The following RNGTT variants were observed in gnomAD, a reference collection of about 807,000 sequenced individuals.
RNGTT encodes mRNA-capping enzyme.
In RNGTT, 33 loss-of-function variants were observed where a neutral mutation model predicts 79.3. The observed-to-expected ratio is 0.42, with a 90% CI of 0.32 to 0.56. RNGTT has a LOEUF of 0.56. Ranked by LOEUF, RNGTT falls within the 20% of genes least tolerant of loss-of-function variation. RNGTT has a pLI of 0.17. For missense variants in RNGTT, 497 were observed against 739.1 expected, an observed-to-expected ratio of 0.67 and a Z score of 3.80; for synonymous variants, 222 against 235.9, an observed-to-expected ratio of 0.94 and a Z score of 0.54.
chr6:88,918,741 C>T (rs1009411457), intron 4 of RNGTT, among the ~76,000 whole-genome samples: 3 of 152,168 alleles, frequency 2.0e-5, no homozygotes, highest in African/African-American at 7.2e-5. Flanking sequence ...CAAAGATGTG[C>T]ACTATAAACA....
chr6:88,748,224 T>A (rs186177030), intron 13 of RNGTT, among the ~76,000 whole-genome samples: 191 of 151,696 alleles, frequency 1.3e-3, no homozygotes, highest in Non-Finnish European at 2.2e-3. Flanking sequence ...AACCCAGCAA[T>A]GCCTCCTACT....
intron 14 of RNGTT, among the ~76,000 whole-genome samples, chr6:88,674,707 C>T (rs1015109447): frequency 3.3e-5 from 5 of 151,218 alleles, no homozygotes; most frequent in Non-Finnish European, 7.4e-5. Flanking sequence ...AACTCTCAAA[C>T]GGATAGAAGA....
chr6:88,790,673 C>T (rs1460873100), intron 12 of RNGTT, among the ~76,000 whole-genome samples: 1 of 152,112 alleles, frequency 6.6e-6, no homozygotes, highest in Non-Finnish European at 1.5e-5. Context: ...TTTTAAAATG[C>T]AGATTACCTC....
At chr6:88,917,752 T>C (rs950886071) in intron 4 of RNGTT, among the ~76,000 whole-genome samples, 13 of 151,962 alleles carry the variant, frequency 8.6e-5, no homozygotes, top group African/African-American at 2.9e-4. Context: ...CTGGGGTTGG[T>C]GGCGGTTGCC....
chr6:88,856,293 T>C (rs913457413), intron 8 of RNGTT, among the ~76,000 whole-genome samples: 1 of 152,152 alleles, frequency 6.6e-6, no homozygotes, highest in Non-Finnish European at 1.5e-5. Context: ...TTTACTCTTA[T>C]GATCATGTAA....
At chr6:88,962,973 C>A (rs1345554769) in intron 1 of RNGTT, among the ~76,000 whole-genome samples, 4 of 149,272 alleles carry the variant, frequency 2.7e-5, no homozygotes, top group Non-Finnish European at 5.9e-5. Flanking sequence ...CCCTCCTTAA[C>A]CCTCCTCCAT....
At chr6:88,671,354 C>T (rs758685614) in intron 14 of RNGTT, among the ~76,000 whole-genome samples, 2 of 152,070 alleles carry the variant, frequency 1.3e-5, no homozygotes, top group Non-Finnish European at 2.9e-5. Context: ...CCTTTTAAAA[C>T]AGCTGCAAAT....
intron 1 of RNGTT, among the ~76,000 whole-genome samples, chr6:88,944,243 T>A (rs977058803): frequency 1.3e-5 from 2 of 152,250 alleles, no homozygotes; most frequent in African/African-American, 4.8e-5. Flanking sequence ...ATTGTTATTA[T>A]TCCTCGTTTT....
rs543238847 is a variant in RNGTT at position 88,670,806 on chromosome 6, GTAAGCTCT to G, written c.1506+7539_1506+7546del. ...CCTTTCACGTGGACCCCTCAGAGTT[GTAAGCTCT>G]TAAAAGGGACAGGAATCTTTACTTT... is the stretch of plus-strand genomic sequence containing the variant. On this transcript the variant is annotated intron_variant, in intron 14 of 15. Transcript: ENST00000369485. 1.9e-3 allele frequency among the ~76,000 whole-genome samples: 295 copies of G among 152,276 alleles called. 4 individuals carry two copies. The highest frequency in any genetic ancestry group is 7.0e-3 in the African/African-American group (289 of 41,556).
chr6:88,787,159 A>T (rs1426511983), intron 12 of RNGTT, among the ~76,000 whole-genome samples: 1 of 152,234 alleles, frequency 6.6e-6, no homozygotes, highest in African/African-American at 2.4e-5. Flanking sequence ...CTGTTTGTGA[A>T]TAATATAATT....
intron 13 of RNGTT, among the ~76,000 whole-genome samples, chr6:88,683,501 T>C (rs1302895903): frequency 1.3e-5 from 2 of 152,088 alleles, no homozygotes; most frequent in Non-Finnish European, 2.9e-5. Flanking sequence ...CTACCAAAAT[T>C]AATTCTAATT....
intron 8 of RNGTT, among the ~76,000 whole-genome samples, chr6:88,872,400 A>C (rs1782386319): frequency 6.6e-6 from 1 of 152,046 alleles, no homozygotes; most frequent in African/African-American, 2.4e-5. Flanking sequence ...ACGACATTGA[A>C]CCATAATCAC....
intron 8 of RNGTT, among the ~76,000 whole-genome samples, chr6:88,868,586 T>TG (rs1255300191): frequency 6.6e-6 from 1 of 152,208 alleles, no homozygotes; most frequent in African/African-American, 2.4e-5. Context: ...AACTCCCACA[T>TG]TATTAGAGTC....
At chr6:88,762,574 GCCTTTGC>G (rs1162407970) in intron 13 of RNGTT, among the ~76,000 whole-genome samples, 1 of 152,154 alleles carries the variant, frequency 6.6e-6, no homozygotes, top group Non-Finnish European at 1.5e-5. Context: ...GAAGACATCT[GCCTTTGC>G]CTAGAATGAC....
intron 8 of RNGTT, among the ~76,000 whole-genome samples, chr6:88,855,032 C>A (rs758702740): frequency 6.6e-6 from 1 of 152,156 alleles, no homozygotes; most frequent in Non-Finnish European, 1.5e-5. Context: ...GAAACAGAAT[C>A]ATTTTGTTAG....
intron 4 of RNGTT, among the ~76,000 whole-genome samples, chr6:88,917,847 A>T (rs1477644638): frequency 1.3e-5 from 2 of 152,174 alleles, no homozygotes; most frequent in African/African-American, 4.8e-5. Flanking sequence ...AGATCATGCC[A>T]CTGCACTCTA....
At chr6:88,951,021 G>T (rs557892082) in intron 1 of RNGTT, among the ~76,000 whole-genome samples, 4 of 152,164 alleles carry the variant, frequency 2.6e-5, no homozygotes, top group South Asian at 4.2e-4. Flanking sequence ...ACCATGCCCA[G>T]CTAATTTTTA....
intron 14 of RNGTT, among the ~76,000 whole-genome samples, chr6:88,614,701 AC>A (rs2081480251): frequency 6.6e-6 from 1 of 152,208 alleles, no homozygotes. Context: ...GGGGACCAAT[AC>A]CTTCAATATT....
chr6:88,903,648 T>A (rs74549917), intron 6 of RNGTT, among the ~76,000 whole-genome samples: 2,865 of 152,320 alleles, frequency 0.019, 83 homozygotes, highest in African/African-American at 0.065. Context: ...AAAAAATTTT[T>A]AAGCCAAAAA....
Sources: allele counts gnomAD v4.1 joint callset (sites outside exome capture counted in the v4.1 genomes callset), GRCh38; gene constraint gnomAD v4.1.1; transcripts MANE v1.5; gene names NCBI Gene and HGNC (gene_info 2026-07-23, HGNC 2026-07-21).